Variants in RGL1 observed in about 807,000 individuals in gnomAD.
RGL1 encodes ral guanine nucleotide dissociation stimulator like 1.
RGL1 carries 24 observed loss-of-function variants against 95.2 expected under a neutral mutation model. The ratio of observed to expected loss-of-function variants is 0.25; its 90% confidence interval spans 0.18 to 0.35. RGL1 has a LOEUF of 0.35. Ranked by LOEUF, RGL1 falls within the 10% of genes least tolerant of loss-of-function variation. The pLI is 1.00. For synonymous variants in RGL1, 329 were observed against 344.9 expected (o/e 0.95, Z 0.51); for missense variants, 715 against 936.3 (o/e 0.76, Z 3.08).
chr1:183,783,865 G>C (rs1253251396), intron 2 of RGL1, among the ~76,000 whole-genome samples: 3 of 152,156 alleles, frequency 2.0e-5, no homozygotes, highest in Non-Finnish European at 4.4e-5. Flanking sequence ...AAGTTAAATA[G>C]GAATGGAATG....
chr1:183,884,606 T>C, intron 6 of RGL1, 117 bp from the exon 7 acceptor site: 1 of 758,034 alleles, frequency 1.3e-6, no homozygotes. Context: ...ACAAATCAAG[T>C]AGAAAAGGAT....
At chr1:183,769,002 G>C (rs1659140077) in intron 2 of RGL1, among the ~76,000 whole-genome samples, 1 of 152,114 alleles carries the variant, frequency 6.6e-6, no homozygotes, top group African/African-American at 2.4e-5. Flanking sequence ...GAATTACCTA[G>C]ACATCTAATG....
At chr1:183,684,468 CCAGACTGCTGTGCTGGCAG>C (rs1653435219) in intron 1 of RGL1, among the ~76,000 whole-genome samples, 1 of 152,170 alleles carries the variant, frequency 6.6e-6, no homozygotes, top group South Asian at 2.1e-4. Flanking sequence ...CAGGTCGACT[CCAGACTGCTGTGCTGGCAG>C]CAAGAATTTT....
chr1:183,904,776 T>C, intron 12 of RGL1, 74 bp from the exon 13 acceptor site: 1 of 1,455,026 alleles, frequency 6.9e-7, no homozygotes, highest in South Asian at 1.4e-5. Flanking sequence ...ATTTTCATGT[T>C]GAAAGATTCT....
intron 1 of RGL1, among the ~76,000 whole-genome samples, chr1:183,713,435 A>G (rs956143747): frequency 1.6e-5 from 2 of 128,428 alleles, no homozygotes; most frequent in African/African-American, 2.9e-5. Context: ...TAAAAATTCC[A>G]GGATAAGGGA....
chr1:183,762,923 A>G (rs1658777111), intron 2 of RGL1, among the ~76,000 whole-genome samples: 1 of 152,228 alleles, frequency 6.6e-6, no homozygotes, highest in African/African-American at 2.4e-5. Context: ...TCATTCTACT[A>G]TAAAGATACA....
chr1:183,827,453 C>T (rs1662945442), intron 2 of RGL1, among the ~76,000 whole-genome samples: 1 of 152,220 alleles, frequency 6.6e-6, no homozygotes, highest in Non-Finnish European at 1.5e-5. Flanking sequence ...GTTTTGCTTT[C>T]ACAGACTGTT....
rs533006540 is a variant in RGL1 at position 183,733,762 on chromosome 1, A to G, written c.-32-8364A>G. Among the ~76,000 whole-genome samples, 98 of 152,336 alleles carry G rather than the reference A, an allele frequency of 6.4e-4. 1 individual carries two copies. Among genetic ancestry groups the G allele is most frequent in the Admixed American group, 3.5e-3 (54 of 15,294 alleles). On this transcript the variant is annotated intron_variant, in intron 1 of 18. Transcript: ENST00000304685. ...GGTGTTTTGGTCTTCAACACTAACT[A>G]GATCATTATTATGTGACACTAATTA...
intron 4 of RGL1, among the ~76,000 whole-genome samples, chr1:183,871,674 C>A (rs1666193043): frequency 6.6e-6 from 1 of 152,162 alleles, no homozygotes. Flanking sequence ...GGTAAAAGAA[C>A]TTTAAAGAAG....
intron 7 of RGL1, 136 bp from the exon 8 acceptor site, chr1:183,888,338 T>G (rs560329868): frequency 4.5e-5 from 25 of 558,076 alleles, no homozygotes; most frequent in African/African-American, 3.4e-4. Context: ...CACTTTTTGA[T>G]GTTCACTATT....
chr1:183,696,408 A>C, intron 1 of RGL1, among the ~76,000 whole-genome samples: 1 of 152,220 alleles, frequency 6.6e-6, no homozygotes, highest in East Asian at 1.9e-4. Flanking sequence ...CAAGGAAAAT[A>C]ACTAGTTCTA....
intron 4 of RGL1, among the ~76,000 whole-genome samples, chr1:183,878,219 T>G (rs1486586818): frequency 6.6e-6 from 1 of 151,828 alleles, no homozygotes; most frequent in Non-Finnish European, 1.5e-5. Flanking sequence ...TTTTTGGAGA[T>G]AGGGTCTCGC....
intron 1 of RGL1, among the ~76,000 whole-genome samples, chr1:183,711,031 T>C (rs1302546242): frequency 2.0e-5 from 3 of 152,190 alleles, no homozygotes; most frequent in Admixed American, 1.3e-4. Flanking sequence ...GGGATGTCTC[T>C]GCTTTACCCT....
At chr1:183,794,668 C>T (rs1660607496) in intron 2 of RGL1, among the ~76,000 whole-genome samples, 2 of 152,170 alleles carry the variant, frequency 1.3e-5, no homozygotes, top group Admixed American at 1.3e-4. Context: ...CTATATGGTC[C>T]ACTTCTCCAA....
At chr1:183,652,928 C>T (rs932369587) in intron 1 of RGL1, 8 of 152,330 alleles carry the variant, frequency 5.3e-5, no homozygotes, top group African/African-American at 1.9e-4. Context: ...TAAGGACAAT[C>T]TGCTCTCATT....
At chr1:183,662,751 C>T (rs900172628) in intron 1 of RGL1, among the ~76,000 whole-genome samples, 1,969 of 152,210 alleles carry the variant, frequency 0.013, 51 homozygotes, top group African/African-American at 0.046. Flanking sequence ...CCCGCATTGC[C>T]AAGTCAATCC....
rs558319155 is a variant in RGL1 at position 183,829,729 on chromosome 1, A to C, written c.139-17837A>C. ...CCTTGGTTCACTCTCCTTTGGCCAC[A>C]TCAACTTCTTTTTATCCTTCTTGTA... On this transcript the variant is annotated intron_variant, in intron 2 of 17. Transcript: ENST00000360851. Among the ~76,000 whole-genome samples the C allele has an allele frequency of 2.6e-5, 4 of 152,258 alleles. No homozygotes were observed. The East Asian group carries it at 7.7e-4, about 29-fold the overall frequency.
chr1:183,747,639 T>A (rs917706992), intron 2 of RGL1, among the ~76,000 whole-genome samples: 6 of 152,170 alleles, frequency 3.9e-5, no homozygotes, highest in African/African-American at 1.4e-4. Flanking sequence ...TCTACATTTA[T>A]TGATTTGCAT....
At chr1:183,751,107 G>A (rs1437508901) in intron 2 of RGL1, among the ~76,000 whole-genome samples, 7 of 152,366 alleles carry the variant, frequency 4.6e-5, no homozygotes, top group African/African-American at 1.4e-4. Flanking sequence ...GAGATCTGCT[G>A]CTCTCTTCAG....
Sources: gnomAD v4.1 joint callset for allele counts (sites outside exome capture counted in the v4.1 genomes callset) on GRCh38, gnomAD v4.1.1 for gene constraint, MANE v1.5 for transcripts, NCBI Gene and HGNC (gene_info 2026-07-23, HGNC 2026-07-21) for gene names.